PAQR5: variants seen among roughly 807,000 people sequenced by gnomAD.
PAQR5 encodes membrane progestin receptor gamma.
PAQR5 carries 20 observed loss-of-function variants against 34.5 expected under a neutral mutation model. The ratio of observed to expected loss-of-function variants is 0.58; its 90% confidence interval spans 0.41 to 0.84. The LOEUF is 0.84. PAQR5 is among the 40% of genes least tolerant of loss of function. The pLI is 0.00. For missense variants in PAQR5, 378 were observed against 412.7 expected, an observed-to-expected ratio of 0.92 and a Z score of 0.73; for synonymous variants, 131 against 155.6, an observed-to-expected ratio of 0.84 and a Z score of 1.18.
At chr15:69,328,530 C>A (rs933636219) in intron 1 of PAQR5, among the ~76,000 whole-genome samples, 1 of 152,124 alleles carries the variant, frequency 6.6e-6, no homozygotes, top group Non-Finnish European at 1.5e-5. Context: ...TGGGCTGGGC[C>A]CGAAAGGCTG....
At chr15:69,396,224 G>C (rs1329729938) in intron 6 of PAQR5, among the ~76,000 whole-genome samples, 1 of 149,526 alleles carries the variant, frequency 6.7e-6, no homozygotes, top group Non-Finnish European at 1.5e-5. Context: ...TACGAGATAT[G>C]AACAGCCTGG....
chr15:69,316,443 T>C (rs2053953111), intron 1 of PAQR5, among the ~76,000 whole-genome samples: 2 of 152,230 alleles, frequency 1.3e-5, no homozygotes, highest in Admixed American at 6.5e-5. Context: ...TGCTTAATAA[T>C]GCTACAATAA....
intron 1 of PAQR5, among the ~76,000 whole-genome samples, chr15:69,316,708 C>G (rs763752371): frequency 6.6e-5 from 10 of 152,212 alleles, no homozygotes; most frequent in Admixed American, 1.3e-4. Flanking sequence ...GGGGCTTACA[C>G]TTACTAATGC....
intron 2 of PAQR5, among the ~76,000 whole-genome samples, chr15:69,345,086 C>T (rs1289140970): frequency 6.8e-6 from 1 of 148,098 alleles, no homozygotes; most frequent in African/African-American, 2.5e-5. Flanking sequence ...AGAGTGAGAC[C>T]CTGTCGTGAA....
intron 2 of PAQR5, among the ~76,000 whole-genome samples, chr15:69,346,402 C>T (rs2054773420): frequency 7.2e-6 from 1 of 138,572 alleles, no homozygotes; most frequent in South Asian, 2.5e-4. Flanking sequence ...ACCTCCTGGG[C>T]CCGAGCCATT....
At chr15:69,395,073 A>AG (rs2056379616) in intron 6 of PAQR5, among the ~76,000 whole-genome samples, 1 of 152,114 alleles carries the variant, frequency 6.6e-6, no homozygotes. Flanking sequence ...AAGTGGCCAC[A>AG]GGGGCCCTTT....
intron 1 of PAQR5, among the ~76,000 whole-genome samples, chr15:69,335,911 A>T (rs756597447): frequency 5.9e-5 from 9 of 152,210 alleles, no homozygotes; most frequent in Non-Finnish European, 1.0e-4. Context: ...ACTAGCTTTA[A>T]CATTAAAGAT....
At chr15:69,390,716 G>T (rs1173127789) in intron 6 of PAQR5, among the ~76,000 whole-genome samples, 2 of 152,134 alleles carry the variant, frequency 1.3e-5, no homozygotes, top group Non-Finnish European at 2.9e-5. Context: ...GTCACTAATG[G>T]TGACTGGGTG....
At chr15:69,301,040 A>G (rs908582083) in intron 1 of PAQR5, among the ~76,000 whole-genome samples, 8 of 127,184 alleles carry the variant, frequency 6.3e-5, no homozygotes, top group Admixed American at 8.4e-5. Flanking sequence ...GTCTTGCTCT[A>G]TTACCCAGGC....
chr15:69,359,019 G>A (rs1421411605), intron 2 of PAQR5, among the ~76,000 whole-genome samples: 1 of 152,130 alleles, frequency 6.6e-6, no homozygotes, highest in East Asian at 1.9e-4. Flanking sequence ...ATTGCTAATG[G>A]TTCTGGAGGC....
chr15:69,343,767 TGATA>T (rs1433789296), intron 2 of PAQR5, among the ~76,000 whole-genome samples: 7 of 152,214 alleles, frequency 4.6e-5, no homozygotes, highest in Non-Finnish European at 1.0e-4. Flanking sequence ...GACTTCCAGC[TGATA>T]GATAGTGTCT....
Position 69,380,015 on chromosome 15 carries a change from C to T in PAQR5, c.179+5C>T, listed in dbSNP as rs780208775. On this transcript the variant is annotated splice_donor_5th_base_variant and intron_variant, in intron 4 of 8. Coordinates refer to ENST00000395407, the MANE Select transcript of PAQR5 (RefSeq NM_017705.4). ...GACTCACTTGCTGCCCTTCTGGTACCTTCTGGCCCCCTCGACCGGCCTGTC... is the reference window on the plus strand; with the variant it reads ...GACTCACTTGCTGCCCTTCTGGTACTTTCTGGCCCCCTCGACCGGCCTGTC... 2.8e-5 allele frequency: 45 copies of T among 1,613,900 alleles called. No homozygotes were observed. Among genetic ancestry groups the T allele is most frequent in the Non-Finnish European group, 3.5e-5 (41 of 1,179,956 alleles).
intron 4 of PAQR5, among the ~76,000 whole-genome samples, chr15:69,381,504 G>A (rs2055883418): frequency 6.6e-6 from 1 of 152,190 alleles, no homozygotes; most frequent in African/African-American, 2.4e-5. Flanking sequence ...GTACCAGCCT[G>A]TCCATCCCTG....
intron 2 of PAQR5, among the ~76,000 whole-genome samples, chr15:69,358,388 A>G (rs1198738058): frequency 1.3e-5 from 2 of 151,950 alleles, no homozygotes; most frequent in African/African-American, 4.8e-5. Flanking sequence ...AGCTTTCTGG[A>G]AGAGTTGAGT....
In PAQR5 at chr15:69,403,694, C is replaced by T. The variant is rs763877924; in HGVS notation, c.865C>T (p.Pro289Ser). Residue 289 changes from proline (P) to serine (S), a missense_variant, in exon 9 of 9, where the codon CCC becomes TCC. By Grantham distance (74) the Pro-to-Ser change is moderately conservative. Coordinates refer to ENST00000395407, the MANE Select transcript of PAQR5 (RefSeq NM_017705.4). ...GGAATGGCTCCTGGCCACCTCCAAGCCCTTCTCTTTCTCTCAGATAGCTGG... is the reference window on the plus strand; with the variant it reads ...GGAATGGCTCCTGGCCACCTCCAAGTCCTTCTCTTTCTCTCAGATAGCTGG... The part of the protein sequence containing the change: ...RKEWLLATSK[P>S]FSFSQIAGAI... The T allele has an allele frequency of 3.7e-6, 6 of 1,614,074 alleles. No homozygotes were observed. In the South Asian group the frequency reaches 5.5e-5, roughly 15 times the overall value.
At position 69,325,685 on chromosome 15, in the gene PAQR5, A is replaced by G. The variant is rs182404832; in HGVS notation, c.-276-11656A>G. 1.1e-4 allele frequency among the ~76,000 whole-genome samples: 17 copies of G among 152,262 alleles called. No homozygotes were observed. In the East Asian group the frequency reaches 3.3e-3, roughly 29 times the overall value. On this transcript the variant is annotated intron_variant, in intron 1 of 8. Coordinates refer to ENST00000395407, the MANE Select transcript of PAQR5 (RefSeq NM_017705.4). ...GCTACCAGCCCCAGGGCAGGTGCAA[A>G]CTCGGAACTACATTAACCCAAGCAG...
chr15:69,360,098 C>T lies in PAQR5; in HGVS notation c.18C>T (p.Leu6=). 2 of 1,613,740 alleles carry T rather than the reference C, an allele frequency of 1.2e-6. No individual in the cohort carries two copies. The highest frequency in any genetic ancestry group is 8.5e-7 in the Non-Finnish European group (1 of 1,179,690). The change falls in exon 3 of 9, where the codon CTC becomes CTT. Residue 6 remains leucine, a synonymous_variant. Transcript: ENST00000395407. Reference sequence around the variant, plus strand: ...GCTCCAAGATGCTGAGCCTGAAGCTCCCCAGGCTGTTTAGCATAGACCAGA... The same window carrying T: ...GCTCCAAGATGCTGAGCCTGAAGCTTCCCAGGCTGTTTAGCATAGACCAGA... MLSLK[L]PRLFSIDQIP...
chr15:69,388,506 T>C (rs1484703246), intron 5 of PAQR5, among the ~76,000 whole-genome samples: 1 of 152,238 alleles, frequency 6.6e-6, no homozygotes, highest in African/African-American at 2.4e-5. Context: ...AGAAGCTCCC[T>C]GGCTCTTGCA....
chr15:69,347,076 C>A (rs2054794485), intron 2 of PAQR5, among the ~76,000 whole-genome samples: 1 of 152,108 alleles, frequency 6.6e-6, no homozygotes, highest in African/African-American at 2.4e-5. Context: ...CCTGCCTCGG[C>A]CTCCCAAAGT....
Sources: gnomAD v4.1 joint callset for allele counts (sites outside exome capture counted in the v4.1 genomes callset) on GRCh38, gnomAD v4.1.1 for gene constraint, MANE v1.5 for transcripts, NCBI Gene and HGNC (gene_info 2026-07-23, HGNC 2026-07-21) for gene names.